Variants in CTNNB1 observed in about 807,000 individuals in gnomAD.
CTNNB1 encodes the protein catenin beta-1.
In CTNNB1, 6 loss-of-function variants were observed where a neutral mutation model predicts 82.5. That is an observed-to-expected ratio of 0.07 (90% confidence interval 0.04 to 0.14). The LOEUF (loss-of-function observed/expected upper bound fraction) is 0.14. Among genes scored for constraint, CTNNB1 ranks in the 10% least tolerant of loss-of-function variants. The pLI is 1.00. For synonymous variants in CTNNB1, 312 were observed against 329.7 expected, an observed-to-expected ratio of 0.95 and a Z score of 0.58; for missense variants, 529 against 980.4, an observed-to-expected ratio of 0.54 and a Z score of 6.15.
Position 41,234,291 on chromosome 3 carries a change from A to G in CTNNB1, c.1677A>G (p.Gln559=), listed in dbSNP as rs550622727. 52 of 1,614,064 alleles carry G rather than the reference A, an allele frequency of 3.2e-5. No homozygotes were observed. The highest frequency in any genetic ancestry group is 4.3e-5 in the Non-Finnish European group (51 of 1,180,042). ...RRTSMGGTQQ[Q]FVEGVRMEEI... is the part of the protein sequence containing the mutation. ...CGTCCATGGGTGGGACACAGCAGCA[A>G]TTTGTGGTAGGTAAATTCTTACAGT... is the stretch of plus-strand genomic sequence containing the variant. The change falls in exon 10 of 15, where the codon CAA becomes CAG. Residue 559 remains glutamine (Q), a synonymous_variant. Coordinates refer to ENST00000349496, the MANE Select transcript of CTNNB1 (RefSeq NM_001904.4).
chr3:41,239,921 ATTTTT>A lies in CTNNB1; in HGVS notation c.*594_*598del, dbSNP rs34653633. On this transcript the variant is annotated 3_prime_UTR_variant, in exon 15 of 15. Coordinates refer to ENST00000349496, the MANE Select transcript of CTNNB1 (RefSeq NM_001904.4). Reference sequence around the variant, plus strand: ...ATCAAACCCTAGCCTTGCTTGTTAAATTTTTTTTTTTTTTTTTTTAAGAATATCTG... The same window carrying A: ...ATCAAACCCTAGCCTTGCTTGTTAAATTTTTTTTTTTTTTAAGAATATCTG... The A allele has an allele frequency of 8.2e-5, 13 of 158,860 alleles. No individual in the cohort carries two copies. The highest frequency in any genetic ancestry group is 1.5e-4 in the Admixed American group (2 of 13,028). 9.8% of individuals were successfully genotyped at this position (158,860 alleles called of 1,614,324 possible). A position where few individuals can be genotyped will look rare whatever the true frequency, so the allele number is the denominator to read the frequency against.
intron 10 of CTNNB1, chr3:41,235,228 C>G (rs1470053756): frequency 5.6e-6 from 1 of 179,120 alleles, no homozygotes; most frequent in Non-Finnish European, 1.2e-5. Context: ...TCCTTCTATA[C>G]ATGAGGCTGT....
chr3:41,236,529 AG>A, intron 12 of CTNNB1, 30 bp downstream of exon 12: 4 of 1,614,224 alleles, frequency 2.5e-6, no homozygotes, highest in Non-Finnish European at 3.4e-6. Context: ...AGCCTTTAGC[AG>A]ATGTGTACAT....
intron 1 of CTNNB1, among the ~76,000 whole-genome samples, chr3:41,216,828 T>C (rs2077926952): frequency 6.6e-6 from 1 of 152,184 alleles, no homozygotes; most frequent in African/African-American, 2.4e-5. Context: ...ACTTGATATA[T>C]GTTAAATTTT....
chr3:41,229,874 T>TTGTGTG (rs1338495003), intron 7 of CTNNB1, among the ~76,000 whole-genome samples: 1 of 102,566 alleles, frequency 9.7e-6, no homozygotes, highest in South Asian at 3.0e-4. Context: ...GCCTCTTGGG[T>TTGTGTG]TCTGTGTGTG....
chr3:41,238,108 G>T, intron 14 of CTNNB1, 32 bp downstream of exon 14: 1 of 1,592,702 alleles, frequency 6.3e-7, no homozygotes, highest in South Asian at 1.1e-5. Flanking sequence ...ATTAACTCCA[G>T]ATCAAGCTAA....
chr3:41,226,758 A>T (rs1161752716), intron 6 of CTNNB1, among the ~76,000 whole-genome samples: 3 of 152,142 alleles, frequency 2.0e-5, no homozygotes, highest in Non-Finnish European at 4.4e-5. Flanking sequence ...ACAAGCATGA[A>T]TGATCATTTT....
At chr3:41,217,118 T>TA (rs557843010) in intron 1 of CTNNB1, among the ~76,000 whole-genome samples, 4 of 152,208 alleles carry the variant, frequency 2.6e-5, no homozygotes, top group Non-Finnish European at 5.9e-5. Flanking sequence ...GCCTTCTAGT[T>TA]ACACTGGTGA....
intron 7 of CTNNB1, among the ~76,000 whole-genome samples, chr3:41,229,062 CTG>C (rs2078242828): frequency 6.6e-6 from 1 of 152,128 alleles, no homozygotes; most frequent in African/African-American, 2.4e-5. Context: ...CCATTGGTCT[CTG>C]TGTCTGTTTG....
intron 7 of CTNNB1, among the ~76,000 whole-genome samples, chr3:41,228,566 T>G (rs1199596191): frequency 6.6e-6 from 1 of 152,206 alleles, no homozygotes; most frequent in Non-Finnish European, 1.5e-5. Flanking sequence ...TTAATGGGGT[T>G]GTTCTTTTTT....
At chr3:41,221,315 T>C (rs1310671026) in intron 1 of CTNNB1, 1 of 151,936 alleles carries the variant, frequency 6.6e-6, no homozygotes, top group African/African-American at 2.4e-5. Flanking sequence ...CTATAGGCAG[T>C]TGAAACAGTG....
At chr3:41,235,660 A>G in intron 10 of CTNNB1, 64 bp from the exon 11 acceptor site, 1 of 1,607,230 alleles carries the variant, frequency 6.2e-7, no homozygotes, top group Non-Finnish European at 8.5e-7. Flanking sequence ...TTACAGTCTA[A>G]TAATTGTTCC....
chr3:41,236,882 G>A, intron 13 of CTNNB1, 173 bp downstream of exon 13: 1 of 738,624 alleles, frequency 1.4e-6, no homozygotes, highest in African/African-American at 1.7e-5. Context: ...TATAATACAA[G>A]CTTTAAAGAG....
rs2078555835 is a variant in CTNNB1, at chr3:41,240,365, T to C, written c.*1023T>C. The C allele has an allele frequency of 5.3e-6, 1 of 186,954 alleles. No individual in the cohort carries two copies. The highest frequency in any genetic ancestry group is 6.2e-5 in the Admixed American group (1 of 16,148). 11.6% of individuals were successfully genotyped at this position (186,954 alleles called of 1,614,324 possible). A position where few individuals can be genotyped will look rare whatever the true frequency, so the allele number is the denominator to read the frequency against. On this transcript the variant is annotated 3_prime_UTR_variant, in exon 15 of 15. Coordinates refer to ENST00000349496, the MANE Select transcript of CTNNB1 (RefSeq NM_001904.4). Reference sequence around the variant, plus strand: ...CAGTTGCCTTTTATCCCAAAGTTGTTGTAACCTGCTGTGATACGATGCTTC... The same window carrying C: ...CAGTTGCCTTTTATCCCAAAGTTGTCGTAACCTGCTGTGATACGATGCTTC...
intron 1 of CTNNB1, among the ~76,000 whole-genome samples, chr3:41,208,469 A>G (rs2077700631): frequency 6.6e-6 from 1 of 151,998 alleles, no homozygotes; most frequent in Admixed American, 6.5e-5. Flanking sequence ...CCCCAATCTC[A>G]TTTCAAGCAT....
At chr3:41,234,400 TC>T (rs2078384280) in intron 10 of CTNNB1, 103 bp downstream of exon 10, 1 of 1,133,518 alleles carries the variant, frequency 8.8e-7, no homozygotes, top group African/African-American at 1.5e-5. Context: ...CCATCCGTCT[TC>T]CTGAAGAGCT....
chr3:41,235,446 A>G, intron 10 of CTNNB1: 1 of 494,552 alleles, frequency 2.0e-6, no homozygotes. Flanking sequence ...ACCCAGAATG[A>G]TTGGTGCCCT....
chr3:41,233,941 C>T (rs764160278), intron 9 of CTNNB1, 74 bp downstream of exon 9: 1 of 1,507,658 alleles, frequency 6.6e-7, no homozygotes, highest in South Asian at 1.1e-5. Context: ...GGATGGCTGT[C>T]TAAGCATAGT....
At chr3:41,230,552 CT>C (rs2078283881) in intron 7 of CTNNB1, among the ~76,000 whole-genome samples, 1 of 152,120 alleles carries the variant, frequency 6.6e-6, no homozygotes, top group African/African-American at 2.4e-5. Flanking sequence ...AATTCTTAGT[CT>C]TGTGAAGGTG....
Sources: allele counts gnomAD v4.1 joint callset (sites outside exome capture counted in the v4.1 genomes callset), GRCh38; gene constraint gnomAD v4.1.1; transcripts MANE v1.5; gene names NCBI Gene and HGNC (gene_info 2026-07-23, HGNC 2026-07-21).